LSAMP: variants seen among roughly 807,000 people sequenced by gnomAD.
The protein encoded by LSAMP is limbic system associated membrane protein, also known as limbic system-associated membrane protein.
Under a neutral mutation model 38.6 loss-of-function variants are expected in LSAMP, and 7 were observed. That is an observed-to-expected ratio of 0.18 (90% CI 0.10 to 0.34). The LOEUF (loss-of-function observed/expected upper bound fraction) is 0.34, where lower values mean the gene tolerates loss of function less well. Among genes scored for constraint, LSAMP ranks in the 10% least tolerant of loss-of-function variants. LSAMP has a pLI of 1.00. For synonymous variants in LSAMP, 154 were observed against 166.8 expected, an observed-to-expected ratio of 0.92 and a Z score of 0.59; for missense variants, 313 against 420.0, an observed-to-expected ratio of 0.75 and a Z score of 2.23.
chr3:116,385,649 G>C (rs981172917), intron 1 of LSAMP, among the ~76,000 whole-genome samples: 6 of 152,088 alleles, frequency 3.9e-5, no homozygotes, highest in African/African-American at 1.4e-4. Flanking sequence ...TGATTATTAA[G>C]AGACTCTTGT....
intron 3 of LSAMP, among the ~76,000 whole-genome samples, chr3:115,975,200 G>T (rs1348605208): frequency 1.3e-5 from 2 of 152,022 alleles, no homozygotes; most frequent in East Asian, 1.9e-4. Context: ...CAGATGGATG[G>T]CTTGAACCCA....
intron 1 of LSAMP, among the ~76,000 whole-genome samples, chr3:116,292,431 T>G (rs549788820): frequency 2.6e-4 from 40 of 152,198 alleles, no homozygotes; most frequent in Admixed American, 1.1e-3. Flanking sequence ...GTGTGCTGCC[T>G]ATATCAGAGG....
intron 2 of LSAMP, among the ~76,000 whole-genome samples, chr3:116,059,526 T>A (rs1484321062): frequency 6.6e-6 from 1 of 152,150 alleles, no homozygotes; most frequent in Non-Finnish European, 1.5e-5. Context: ...CTGCCAACAT[T>A]TTCCACACCA....
intron 3 of LSAMP, among the ~76,000 whole-genome samples, chr3:115,889,287 G>A (rs1936534648): frequency 6.6e-6 from 1 of 151,968 alleles, no homozygotes; most frequent in African/African-American, 2.4e-5. Context: ...TGGAATATCT[G>A]TAATCTAAAT....
chr3:116,356,888 G>C (rs1046331766), intron 1 of LSAMP, among the ~76,000 whole-genome samples: 39 of 152,114 alleles, frequency 2.6e-4, no homozygotes, highest in Non-Finnish European at 1.5e-4. Flanking sequence ...CCGCCTCCTG[G>C]GTTCACGCCA....
At chr3:115,996,079 T>A (rs943166273) in intron 3 of LSAMP, among the ~76,000 whole-genome samples, 1 of 152,016 alleles carries the variant, frequency 6.6e-6, no homozygotes, top group East Asian at 1.9e-4. Context: ...TATTTTATAA[T>A]CCACAAGGAA....
chr3:116,014,525 A>G (rs1940422292), intron 3 of LSAMP, among the ~76,000 whole-genome samples: 1 of 152,250 alleles, frequency 6.6e-6, no homozygotes. Context: ...AATGAAAGCA[A>G]TTAATAGAAT....
chr3:116,163,075 A>T (rs537913441), intron 1 of LSAMP, among the ~76,000 whole-genome samples: 6 of 151,742 alleles, frequency 4.0e-5, no homozygotes, highest in African/African-American at 7.2e-5. Flanking sequence ...CTTTTTTTTT[A>T]AATTTTATTA....
chr3:116,381,500 T>C (rs977109635), intron 1 of LSAMP, among the ~76,000 whole-genome samples: 6 of 152,092 alleles, frequency 3.9e-5, no homozygotes, highest in African/African-American at 1.4e-4. Flanking sequence ...AATATTTTTT[T>C]CCAGGGGAGT....
At chr3:116,023,910 T>C (rs1940710061) in intron 2 of LSAMP, among the ~76,000 whole-genome samples, 1 of 152,182 alleles carries the variant, frequency 6.6e-6, no homozygotes, top group Admixed American at 6.5e-5. Context: ...CACTCTGGCA[T>C]TTGACATTAT....
At chr3:115,851,568 C>T (rs1278839247) in intron 4 of LSAMP, among the ~76,000 whole-genome samples, 1 of 152,266 alleles carries the variant, frequency 6.6e-6, no homozygotes, top group East Asian at 1.9e-4. Context: ...AGAAAGTACT[C>T]GTCATAGCCT....
chr3:115,853,015 C>G (rs534432731), intron 3 of LSAMP, among the ~76,000 whole-genome samples: 1 of 152,114 alleles, frequency 6.6e-6, no homozygotes, highest in South Asian at 2.1e-4. Context: ...TGCACTCACT[C>G]GTCGCTGGTT....
intron 1 of LSAMP, among the ~76,000 whole-genome samples, chr3:116,385,919 A>G (rs1229228079): frequency 6.9e-6 from 1 of 145,422 alleles, no homozygotes; most frequent in East Asian, 2.0e-4. Flanking sequence ...TATTATTGAC[A>G]TTACTACTAC....
chr3:116,011,461 T>C (rs889393884), intron 3 of LSAMP, among the ~76,000 whole-genome samples: 1 of 152,120 alleles, frequency 6.6e-6, no homozygotes, highest in African/African-American at 2.4e-5. Context: ...AGGAGTATAA[T>C]TTCAAGAGTG....
At chr3:115,998,097 GAC>G (rs34973901) in intron 3 of LSAMP, among the ~76,000 whole-genome samples, 63,678 of 150,696 alleles carry the variant, frequency 0.42, 14,405 homozygotes, top group African/African-American at 0.6. Context: ...TCCAGCCATT[GAC>G]ACACGTCTCC....
At chr3:115,912,470 A>G (rs1022230352) in intron 3 of LSAMP, among the ~76,000 whole-genome samples, 3 of 152,030 alleles carry the variant, frequency 2.0e-5, no homozygotes, top group African/African-American at 2.4e-5. Context: ...CTCCATGTGG[A>G]CTCTACTGAA....
chr3:116,069,164 G>T lies in LSAMP; in HGVS notation c.388+17160C>A, dbSNP rs529229774. Among the ~76,000 whole-genome samples, 34 of 152,138 alleles carry T rather than the reference G, an allele frequency of 2.2e-4. 1 individual carries two copies. The highest frequency in any genetic ancestry group is 1.9e-4 in the African/African-American group (8 of 41,422). On this transcript the variant is annotated intron_variant, in intron 2 of 6. Transcript: ENST00000490035. Reference sequence around the variant, plus strand: ...ACACGGACCCTAACAGGCCTGCAAGGTTCTGGGTACCTCATCAGCCTCCTC... The same window carrying T: ...ACACGGACCCTAACAGGCCTGCAAGTTTCTGGGTACCTCATCAGCCTCCTC...
At chr3:116,063,726 A>C (rs1039104984) in intron 2 of LSAMP, among the ~76,000 whole-genome samples, 1 of 152,192 alleles carries the variant, frequency 6.6e-6, no homozygotes, top group South Asian at 2.1e-4. Context: ...TAAACTAGGA[A>C]ATAAAACATT....
chr3:115,917,642 T>A (rs1937281339), intron 3 of LSAMP, among the ~76,000 whole-genome samples: 1 of 142,182 alleles, frequency 7.0e-6, no homozygotes, highest in Admixed American at 7.0e-5. Flanking sequence ...ATTAATGACC[T>A]TTTTTTTTTT....
Sources: allele counts gnomAD v4.1 joint callset (sites outside exome capture counted in the v4.1 genomes callset), GRCh38; gene constraint gnomAD v4.1.1; transcripts MANE v1.5; gene names NCBI Gene and HGNC (gene_info 2026-07-23, HGNC 2026-07-21).